ARHGEF10: variants seen among roughly 807,000 people sequenced by gnomAD.
ARHGEF10 encodes Rho guanine nucleotide exchange factor 10, also known as Rho guanine nucleotide exchange factor (GEF) 10.
ARHGEF10 carries 140 observed loss-of-function variants against 147.4 expected under a neutral mutation model. That is an observed-to-expected ratio of 0.95 (90% CI 0.83 to 1.09). The LOEUF (loss-of-function observed/expected upper bound fraction) is 1.09. ARHGEF10 is among the 50% of genes least tolerant of loss of function. ARHGEF10 has a pLI of 0.00. For missense variants in ARHGEF10, 2,222 were observed against 1,752.7 expected (o/e 1.27, Z -4.78); for synonymous variants, 902 against 695.8 (o/e 1.30, Z -4.67).
chr8:1,869,342 C>A, intron 7 of ARHGEF10, 92 bp downstream of exon 7: 1 of 1,086,562 alleles, frequency 9.2e-7, no homozygotes, highest in South Asian at 1.3e-5. Context: ...ACGGCCCAGA[C>A]GTTTTCTGTA....
chr8:1,833,522 G>A (rs74304056), intron 1 of ARHGEF10, among the ~76,000 whole-genome samples: 14,133 of 152,210 alleles, frequency 0.093, 872 homozygotes, highest in East Asian at 0.17. Flanking sequence ...CACTGCATCC[G>A]CCCCAAGCAC....
intron 25 of ARHGEF10, among the ~76,000 whole-genome samples, chr8:1,930,005 C>G (rs550561212): frequency 6.6e-6 from 1 of 152,292 alleles, no homozygotes; most frequent in Admixed American, 6.5e-5. Flanking sequence ...GCCCCTGCCG[C>G]GTTGGTGGCA....
intron 11 of ARHGEF10, among the ~76,000 whole-genome samples, chr8:1,890,522 C>CACTGAGTGTGGA (rs1809428940): frequency 1.5e-5 from 2 of 130,102 alleles, no homozygotes; most frequent in East Asian, 5.0e-4. Context: ...TGGGGCGAGA[C>CACTGAGTGTGGA]GGGTCTCTGA....
rs527488398 is a variant in ARHGEF10 at position 1,945,532 on chromosome 8, G to C, written c.3274G>C (p.Val1092Leu). 1.9e-6 allele frequency: 3 copies of C among 1,613,820 alleles called. No individual in the cohort carries two copies. Among genetic ancestry groups the C allele is most frequent in the Non-Finnish European group, 2.5e-6 (3 of 1,179,904 alleles). Residue 1092 changes from valine (V) to leucine (L), a missense_variant, in exon 27 of 29, where the codon GTG becomes CTG. By Grantham distance (32) the Val-to-Leu change is conservative (BLOSUM62 1). Transcript: ENST00000349830. ...EEGMVISHMA[V>L]SGVGIWIAFT... ...AGGCATGGTGATCTCCCACATGGCC[G>C]TGTCCGGCGTCGGGATCTGGATTGC...
intron 27 of ARHGEF10, 199 bp downstream of exon 27, chr8:1,945,854 G>A: frequency 2.8e-6 from 2 of 710,956 alleles, no homozygotes; most frequent in East Asian, 3.5e-5. Flanking sequence ...GCGCTTCCCG[G>A]TGCAGGGCAC....
chr8:1,920,939 A>G (rs896172968), intron 18 of ARHGEF10, among the ~76,000 whole-genome samples: 22 of 152,076 alleles, frequency 1.4e-4, no homozygotes, highest in African/African-American at 5.3e-4. Context: ...AGCATGCACC[A>G]TCATGCCCAG....
At chr8:1,942,029 G>C (rs1018844949) in intron 26 of ARHGEF10, among the ~76,000 whole-genome samples, 1 of 151,912 alleles carries the variant, frequency 6.6e-6, no homozygotes, top group African/African-American at 2.4e-5. Flanking sequence ...GAAATTATAG[G>C]GGTAAATCCT....
At chr8:1,876,814 C>G in intron 8 of ARHGEF10, 80 bp downstream of exon 8, 12 of 1,464,628 alleles carry the variant, frequency 8.2e-6, no homozygotes, top group Non-Finnish European at 1.1e-5. Flanking sequence ...TTGTGATCCA[C>G]CTAGTACTTC....
chr8:1,849,935 T>C (rs868867987), intron 2 of ARHGEF10, among the ~76,000 whole-genome samples: 17 of 92,264 alleles, frequency 1.8e-4, no homozygotes, highest in East Asian at 7.6e-4. Flanking sequence ...GTGGGCCGGC[T>C]GCGTGGACAC....
intron 6 of ARHGEF10, among the ~76,000 whole-genome samples, chr8:1,867,527 G>T (rs1806727249): frequency 6.6e-6 from 1 of 152,146 alleles, no homozygotes; most frequent in Non-Finnish European, 1.5e-5. Context: ...TCTCTGTGTG[G>T]ATTAAAGCGA....
chr8:1,896,078 C>T (rs537299620), intron 13 of ARHGEF10, among the ~76,000 whole-genome samples: 2 of 152,080 alleles, frequency 1.3e-5, no homozygotes, highest in South Asian at 4.1e-4. Flanking sequence ...TAACTGAAAC[C>T]CAAATTACCA....
At position 1,902,156 on chromosome 8, in the gene ARHGEF10, C is replaced by G. The variant is rs183889144; in HGVS notation, c.1651-1125C>G. Among the ~76,000 whole-genome samples, 13 of 152,228 alleles carry G rather than the reference C, an allele frequency of 8.5e-5. No individual in the cohort carries two copies. In the East Asian group the frequency reaches 1.5e-3, roughly 18 times the overall value. On this transcript the variant is annotated intron_variant, in intron 15 of 28. Coordinates refer to ENST00000349830, the MANE Select transcript of ARHGEF10 (RefSeq NM_014629.4). The stretch of plus-strand genomic sequence containing the variant: ...TAATGCTCTCCCTCCCCTCACCCCC[C>G]GCCCCGCAACAGGCCCCGGTGTGTG...
intron 2 of ARHGEF10, among the ~76,000 whole-genome samples, chr8:1,856,259 T>C (rs113814583): frequency 6.6e-6 from 1 of 152,200 alleles, no homozygotes; most frequent in Non-Finnish European, 1.5e-5. Context: ...TTTTAGTATT[T>C]GTCATTCTCA....
At chr8:1,836,864 C>G (rs570878987) in intron 1 of ARHGEF10, among the ~76,000 whole-genome samples, 1 of 152,150 alleles carries the variant, frequency 6.6e-6, no homozygotes, top group Non-Finnish European at 1.5e-5. Context: ...ATAAGTCTCA[C>G]GAGATCTGAT....
intron 8 of ARHGEF10, among the ~76,000 whole-genome samples, chr8:1,878,290 A>G (rs3779697): frequency 0.043 from 6,593 of 152,136 alleles, 172 homozygotes; most frequent in East Asian, 0.076. Context: ...CCCAGATTCA[A>G]GTAATTCTCC....
At chr8:1,824,548 C>G (rs952938624) in intron 1 of ARHGEF10, among the ~76,000 whole-genome samples, 1 of 151,160 alleles carries the variant, frequency 6.6e-6, no homozygotes, top group African/African-American at 2.4e-5. Context: ...CCCCCGCACC[C>G]TACCTGTCCC....
At chr8:1,902,750 G>A (rs1342343234) in intron 15 of ARHGEF10, among the ~76,000 whole-genome samples, 1 of 152,176 alleles carries the variant, frequency 6.6e-6, no homozygotes, top group Non-Finnish European at 1.5e-5. Context: ...TAGTGACATG[G>A]ACCCACCACG....
At position 1,903,451 on chromosome 8, in the gene ARHGEF10, G is replaced by C. The variant is rs757695026; in HGVS notation, c.1821G>C (p.Lys607Asn). The C allele has an allele frequency of 1.2e-6, 2 of 1,614,050 alleles. No individual in the cohort carries two copies. The highest frequency in any genetic ancestry group is 1.7e-6 in the Non-Finnish European group (2 of 1,180,050). ...CCATAAACGAAAGATACCTGAACAAGGTTGAGAGAGGTTTTCTTCAACTCT... is the reference window on the plus strand; with the variant it reads ...CCATAAACGAAAGATACCTGAACAACGTTGAGAGAGGTTTTCTTCAACTCT... ...AKAINERYLNKLLSSGSRYLI... is the reference protein window; with the variant it reads ...AKAINERYLNNLLSSGSRYLI... Residue 607 changes from lysine (K) to asparagine (N), a missense_variant and splice_region_variant, in exon 16 of 29, where the codon AAG (lysine) becomes AAC (asparagine). Transcript: ENST00000349830.
At chr8:1,855,567 T>G (rs1422990440) in intron 2 of ARHGEF10, among the ~76,000 whole-genome samples, 1 of 152,026 alleles carries the variant, frequency 6.6e-6, no homozygotes, top group Admixed American at 6.5e-5. Context: ...CCTTTTTTTT[T>G]TTTTAAGAGA....
Sources: gnomAD v4.1 joint callset for allele counts (sites outside exome capture counted in the v4.1 genomes callset) on GRCh38, gnomAD v4.1.1 for gene constraint, MANE v1.5 for transcripts, NCBI Gene and HGNC (gene_info 2026-07-23, HGNC 2026-07-21) for gene names.